Variants in ZNF268 observed in about 807,000 individuals in gnomAD.
ZNF268 encodes the protein zinc finger protein 268, also known as zinc finger protein 3.
In ZNF268, 20 loss-of-function variants were observed where a neutral mutation model predicts 29.3. That is an observed-to-expected ratio of 0.68 (90% CI 0.48 to 0.99). The LOEUF is 0.99. ZNF268 is among the 50% of genes least tolerant of loss of function. The probability of loss-of-function intolerance (pLI) is 0.00; values close to 1 mark genes in which losing one functional copy is unlikely to be tolerated. For synonymous variants in ZNF268, 429 were observed against 376.9 expected, an observed-to-expected ratio of 1.14 and a Z score of -1.60; for missense variants, 1,240 against 1,121.6, an observed-to-expected ratio of 1.11 and a Z score of -1.51.
chr12:133,209,229 G>A lies in ZNF268; in HGVS notation c.*4699G>A, dbSNP rs878858896. On this transcript the variant is annotated 3_prime_UTR_variant, in exon 6 of 6. Coordinates refer to ENST00000536435, the MANE Select transcript of ZNF268 (RefSeq NM_003415.3). ...GCTGGGATTACAGGTGTGAGCCACTGGTCTGTATTGATTTTTCTTAATTCT... is the reference window on the plus strand; with the variant it reads ...GCTGGGATTACAGGTGTGAGCCACTAGTCTGTATTGATTTTTCTTAATTCT... The A allele has an allele frequency of 6.6e-6, 1 of 151,882 alleles. No homozygotes were observed. Among genetic ancestry groups the A allele is most frequent in the Admixed American group, 6.6e-5 (1 of 15,250 alleles). The allele number at this position is 151,882 out of a possible 1,614,324, so 9.4% of individuals were successfully genotyped here. A position where few individuals can be genotyped will look rare whatever the true frequency, so the allele number is the denominator to read the frequency against.
intron 2 of ZNF268, among the ~76,000 whole-genome samples, chr12:133,183,150 C>T (rs1956220274): frequency 6.6e-6 from 1 of 152,182 alleles, no homozygotes; most frequent in Admixed American, 6.5e-5. Flanking sequence ...ATCCAGAAGC[C>T]ATCGCCGCAC....
rs1956931484 is a variant in ZNF268, at chr12:133,208,100, A to G, written c.*3570A>G. The G allele has an allele frequency of 6.6e-6, 1 of 152,128 alleles. No homozygotes were observed. 9.4% of individuals were successfully genotyped at this position (152,128 alleles called of 1,614,324 possible). On this transcript the variant is annotated 3_prime_UTR_variant, in exon 6 of 6. Transcript: ENST00000536435. ...AGTGGCTCATCCATGTAATACCAGCACTTGGGAAGGCTGAGGCTGGAGGAT... is the reference window on the plus strand; with the variant it reads ...AGTGGCTCATCCATGTAATACCAGCGCTTGGGAAGGCTGAGGCTGGAGGAT...
rs1341154974 is a variant in ZNF268, at chr12:133,211,916, A to C, written c.*7386A>C. On this transcript the variant is annotated 3_prime_UTR_variant, in exon 6 of 6. Transcript: ENST00000536435. ...TAGGAGTTTGATCTAAACAAAACCC[A>C]GCATGTACTCACGTACAGCAGCTCT... 1 of 152,236 alleles carries C rather than the reference A, an allele frequency of 6.6e-6. No homozygotes were observed. The highest frequency in any genetic ancestry group is 6.5e-5 in the Admixed American group (1 of 15,288). 9.4% of individuals were successfully genotyped at this position (152,236 alleles called of 1,614,324 possible).
chr12:133,201,476 C>G (rs926108142), intron 5 of ZNF268, among the ~76,000 whole-genome samples: 3 of 152,166 alleles, frequency 2.0e-5, no homozygotes, highest in Non-Finnish European at 4.4e-5. Flanking sequence ...TTCCTCATTG[C>G]TCTATTTTCT....
In ZNF268 at chr12:133,202,706, A is replaced by C. The variant is rs1403085737; in HGVS notation, c.1020A>C (p.Thr340=). 6.2e-7 allele frequency: 1 copy of C among 1,611,424 alleles called. No individual in the cohort carries two copies. Among genetic ancestry groups the C allele is most frequent in the Non-Finnish European group, 8.5e-7 (1 of 1,178,804 alleles). ...ATGAATGCAGTGAATGCAGGAAAAC[A>C]TTCAGTTTCCATTCACAGCTTGTTA... The part of the protein sequence containing the change: ...KLHECSECRK[T]FSFHSQLVIH... The change falls in exon 6 of 6, where the codon ACA becomes ACC. Residue 340 remains threonine, a synonymous_variant. Transcript: ENST00000536435.
At position 133,203,847 on chromosome 12, in the gene ZNF268, G is replaced by C. The variant is rs1566385738; in HGVS notation, c.2161G>C (p.Glu721Gln). The C allele has an allele frequency of 6.4e-7, 1 of 1,566,158 alleles. No homozygotes were observed. Residue 721 changes from glutamate to glutamine, a missense_variant, in exon 6 of 6, where the codon GAG (glutamate) becomes CAG (glutamine). Physicochemically the swap from Glu to Gln is conservative, Grantham distance 29. Transcript: ENST00000536435. ...TATACATATGAGAACTCATACAGGA[G>C]AGAAACCACATGAGTGCAGGGAATG... is the stretch of plus-strand genomic sequence containing the variant. ...LIIHMRTHTG[E>Q]KPHECRECGK...
Position 133,204,011 on chromosome 12 carries a change from A to G in ZNF268, c.2325A>G (p.Ala775=), listed in dbSNP as rs759099808. 2 of 1,578,546 alleles carry G rather than the reference A, an allele frequency of 1.3e-6. No homozygotes were observed. The change falls in exon 6 of 6, where the codon GCA becomes GCG. Residue 775 remains alanine (A), a synonymous_variant. Transcript: ENST00000536435. ...TCATTTCACATCAGCGAACTCATGC[A>G]GGGGAAAAGCCTTATGGGTGCAGTG... is the stretch of plus-strand genomic sequence containing the variant. The part of the protein sequence containing the change: ...DQLISHQRTH[A]GEKPYGCSEC...
Position 133,203,555 on chromosome 12 carries a change from A to G in ZNF268, c.1869A>G (p.Thr623=), listed in dbSNP as rs1956811927. The G allele has an allele frequency of 6.4e-7, 1 of 1,556,996 alleles. No individual in the cohort carries two copies. Among genetic ancestry groups the G allele is most frequent in the Non-Finnish European group, 8.7e-7 (1 of 1,154,204 alleles). The change falls in exon 6 of 6, where the codon ACA becomes ACG. Residue 623 remains threonine (T), a synonymous_variant. Coordinates refer to ENST00000536435, the MANE Select transcript of ZNF268 (RefSeq NM_003415.3). ...GTGAGTGTCAGAAAGCCTTTAATAC[A>G]AAGTCAAACCTGATTGTACATCAGA... The part of the protein sequence containing the change: ...ECSECQKAFN[T]KSNLIVHQRT...
chr12:133,185,771 C>CCCT (rs1956297466), intron 2 of ZNF268, among the ~76,000 whole-genome samples: 1 of 152,112 alleles, frequency 6.6e-6, no homozygotes, highest in Non-Finnish European at 1.5e-5. Context: ...TAGGTGACCA[C>CCCT]GTTCAGACAA....
At chr12:133,194,967 T>C (rs1956560299) in intron 5 of ZNF268, among the ~76,000 whole-genome samples, 1 of 66,416 alleles carries the variant, frequency 1.5e-5, no homozygotes, top group Non-Finnish European at 3.4e-5. Context: ...TGGGGAGTAG[T>C]TCTTTATGGT....
intron 2 of ZNF268, among the ~76,000 whole-genome samples, chr12:133,182,527 G>A (rs1593863863): frequency 6.6e-6 from 1 of 152,174 alleles, no homozygotes; most frequent in Non-Finnish European, 1.5e-5. Flanking sequence ...AAGTTAATGA[G>A]TGCTCTGGGA....
chr12:133,187,403 ATTTCT>A lies in ZNF268; in HGVS notation c.34-465_34-461del, dbSNP rs377183732. ...GTCCTTTCAAAGTTTCGTTTTTCTG[ATTTCT>A]TTTACTTCATTTTGAAATATTATGT... On this transcript the variant is annotated intron_variant, in intron 2 of 5. Transcript: ENST00000536435. Among the ~76,000 whole-genome samples the A allele has an allele frequency of 3.9e-3, 584 of 149,630 alleles. 7 individuals carry two copies. Among genetic ancestry groups the A allele is most frequent in the African/African-American group, 0.014 (558 of 40,700 alleles).
At chr12:133,199,488 TA>T (rs1956697605) in intron 5 of ZNF268, among the ~76,000 whole-genome samples, 1 of 151,796 alleles carries the variant, frequency 6.6e-6, no homozygotes, top group Non-Finnish European at 1.5e-5. Context: ...GATATTGGTC[TA>T]AAATTCTCTT....
Position 133,187,735 on chromosome 12 carries a change from C to G in ZNF268, c.34-137C>G, listed in dbSNP as rs370387323. The stretch of plus-strand genomic sequence containing the variant: ...TCAGGAAGCCATTTCTTTTCTGCCT[C>G]TAACCCTGCATTTCCTGAAGTTAAA... On this transcript the variant is annotated intron_variant, in intron 2 of 5. Coordinates refer to ENST00000536435, the MANE Select transcript of ZNF268 (RefSeq NM_003415.3). The G allele has an allele frequency of 3.7e-3, 3,061 of 835,738 alleles. 113 individuals carry two copies. In the South Asian group the frequency reaches 0.053, roughly 14 times the overall value. 51.8% of individuals were successfully genotyped at this position (835,738 alleles called of 1,614,324 possible).
intron 2 of ZNF268, chr12:133,184,809 C>A: frequency 2.6e-6 from 1 of 385,596 alleles, no homozygotes; most frequent in Non-Finnish European, 5.4e-6. Context: ...AATACCATCA[C>A]AATGGGGGTT....
chr12:133,214,778 AGTT>A lies in ZNF268; in HGVS notation c.*10249_*10251del, dbSNP rs1957032896. ...TGTCACAGAAATGTACATTTTTAAA[AGTT>A]AATTTTATATTGTGTAAATTTTACC... On this transcript the variant is annotated 3_prime_UTR_variant, in exon 6 of 6. Transcript: ENST00000536435. 3 of 152,238 alleles carry A rather than the reference AGTT, an allele frequency of 2.0e-5. No homozygotes were observed. The highest frequency in any genetic ancestry group is 2.0e-4 in the Admixed American group (3 of 15,282). The allele number at this position is 152,238 out of a possible 1,614,324, so 9.4% of individuals were successfully genotyped here.
At position 133,213,588 on chromosome 12, in the gene ZNF268, C is replaced by G. The variant is rs988673211; in HGVS notation, c.*9058C>G. ...GCATGTGCCTGTAATCCCAGCAACT[C>G]AGGAAGCTGAGGCAGGAGGATCGCT... On this transcript the variant is annotated 3_prime_UTR_variant, in exon 6 of 6. Coordinates refer to ENST00000536435, the MANE Select transcript of ZNF268 (RefSeq NM_003415.3). 1 of 150,578 alleles carries G rather than the reference C, an allele frequency of 6.6e-6. No individual in the cohort carries two copies. The highest frequency in any genetic ancestry group is 2.5e-5 in the African/African-American group (1 of 40,792). 9.3% of individuals were successfully genotyped at this position (150,578 alleles called of 1,614,324 possible).
chr12:133,188,623 G>A (rs140742981), intron 3 of ZNF268, among the ~76,000 whole-genome samples: 1,879 of 151,982 alleles, frequency 0.012, 47 homozygotes, highest in African/African-American at 0.042. Flanking sequence ...TGTGTTTTAT[G>A]TGTATCCTTT....
chr12:133,190,517 T>G (rs1024536128), intron 3 of ZNF268, among the ~76,000 whole-genome samples: 7 of 152,196 alleles, frequency 4.6e-5, no homozygotes, highest in Non-Finnish European at 1.0e-4. Flanking sequence ...GTGTCTTACT[T>G]TTGTCTGGAT....
Sources: allele counts gnomAD v4.1 joint callset (sites outside exome capture counted in the v4.1 genomes callset), GRCh38; gene constraint gnomAD v4.1.1; transcripts MANE v1.5; gene names NCBI Gene and HGNC (gene_info 2026-07-23, HGNC 2026-07-21).